Variants in CNTRL observed in about 807,000 individuals in gnomAD.
CNTRL encodes centriolin, also known as 110 kDa centrosomal protein.
Under a neutral mutation model 303.7 loss-of-function variants are expected in CNTRL, and 233 were observed. The ratio of observed to expected loss-of-function variants is 0.77; its 90% CI spans 0.69 to 0.86. The LOEUF is 0.86. CNTRL is among the 40% of genes least tolerant of loss of function. The pLI, the probability that CNTRL is intolerant of heterozygous loss-of-function variation, is 0.00. For synonymous variants in CNTRL, 900 were observed against 922.2 expected (o/e 0.98, Z 0.44); for missense variants, 2,524 against 2,650.6 (o/e 0.95, Z 1.05).
rs200658083 is a variant in CNTRL at position 121,150,446 on chromosome 9, G to T, written c.3926G>T (p.Gly1309Val). Reference sequence around the variant, plus strand: ...TTCTCCATCCCCTTCATCCCTATGGGTGTGCTGCATTGCAACGTCCCTGAA... The same window carrying T: ...TTCTCCATCCCCTTCATCCCTATGGTTGTGCTGCATTGCAACGTCCCTGAA... ...PNFSIPFIPM[G>V]VLHCNVPEHH... Residue 1309 changes from glycine (G) to valine (V), a missense_variant, in exon 25 of 44, where the codon GGT becomes GTT. Transcript: ENST00000373855. The T allele has an allele frequency of 5.6e-6, 9 of 1,614,160 alleles. No individual in the cohort carries two copies. Among genetic ancestry groups the T allele is most frequent in the Non-Finnish European group, 7.6e-6 (9 of 1,180,030 alleles).
chr9:121,103,284 A>C (rs2049276764), intron 7 of CNTRL, among the ~76,000 whole-genome samples: 1 of 152,248 alleles, frequency 6.6e-6, no homozygotes, highest in Non-Finnish European at 1.5e-5. Flanking sequence ...ACCTGACAAA[A>C]ACAAGCAATG....
At position 121,142,215 on chromosome 9, in the gene CNTRL, A is replaced by G. The variant is rs372474178; in HGVS notation, c.2816A>G (p.Glu939Gly). The change falls in exon 19 of 44, where the codon GAA becomes GGA. Residue 939 changes from glutamate (E) to glycine (G), a missense_variant. Physicochemically the swap from Glu to Gly is moderately conservative, Grantham distance 98. Transcript: ENST00000373855. ...IQGLTDLQLQ[E>G]ADEEKERILA... ...GGCCTTACAGATCTCCAACTTCAGG[A>G]AGCTGATGAAGAGAAGGAGAGAATT... is the stretch of plus-strand genomic sequence containing the variant. The G allele has an allele frequency of 2.2e-5, 35 of 1,611,940 alleles. No homozygotes were observed. Among genetic ancestry groups the G allele is most frequent in the Non-Finnish European group, 3.0e-5 (35 of 1,179,442 alleles).
intron 14 of CNTRL, among the ~76,000 whole-genome samples, chr9:121,128,219 C>G (rs942080680): frequency 6.6e-6 from 1 of 152,200 alleles, no homozygotes; most frequent in African/African-American, 2.4e-5. Flanking sequence ...GGAATCGCCA[C>G]ATTGTCTTCC....
In CNTRL at chr9:121,162,190, G is replaced by T. The variant is rs776393268; in HGVS notation, c.5342G>T (p.Cys1781Phe). The change falls in exon 34 of 44, where the codon TGT (cysteine) becomes TTT (phenylalanine). Residue 1781 changes from cysteine to phenylalanine, a missense_variant. Coordinates refer to ENST00000373855, the MANE Select transcript of CNTRL (RefSeq NM_007018.6). ...MTAESRALQS[C>F]VECLSKEKED... ...GCTGAGTCCCGAGCTTTACAATCGT[G>T]TGTTGAGTGTTTGAGCAAAGAAAAG... 6.2e-7 allele frequency: 1 copy of T among 1,614,156 alleles called. No individual in the cohort carries two copies. The highest frequency in any genetic ancestry group is 8.5e-7 in the Non-Finnish European group (1 of 1,180,034).
intron 40 of CNTRL, among the ~76,000 whole-genome samples, chr9:121,172,898 A>ATGT (rs2053370043): frequency 6.6e-6 from 1 of 152,212 alleles, no homozygotes; most frequent in South Asian, 2.1e-4. Flanking sequence ...GGAGGATCAG[A>ATGT]TGTTAGCCAA....
chr9:121,088,968 C>A (rs2048453077), intron 3 of CNTRL, among the ~76,000 whole-genome samples: 1 of 152,222 alleles, frequency 6.6e-6, no homozygotes, highest in African/African-American at 2.4e-5. Context: ...ACATATGGGA[C>A]ATGTATGTAT....
chr9:121,136,595 G>C (rs1453795191), intron 15 of CNTRL, among the ~76,000 whole-genome samples: 2 of 152,220 alleles, frequency 1.3e-5, no homozygotes. Flanking sequence ...ACAGGCATGG[G>C]CCACCGTGCC....
At chr9:121,166,431 A>G (rs2053093213) in intron 36 of CNTRL, among the ~76,000 whole-genome samples, 1 of 152,192 alleles carries the variant, frequency 6.6e-6, no homozygotes, top group Non-Finnish European at 1.5e-5. Flanking sequence ...TGGCTAGACC[A>G]GAGCCCAGCA....
chr9:121,135,953 G>C lies in CNTRL; in HGVS notation c.2173G>C (p.Glu725Gln). ...TGCTGAAGCCAACCAGCTCAAGGAAGAGTTGGAAAAAGTAACAAGACTTAC... is the reference window on the plus strand; with the variant it reads ...TGCTGAAGCCAACCAGCTCAAGGAACAGTTGGAAAAAGTAACAAGACTTAC... ...RDAEANQLKE[E>Q]LEKVTRLTQL... Residue 725 changes from glutamate to glutamine, a missense_variant, in exon 15 of 44, where the codon GAG becomes CAG. Physicochemically the swap from Glu to Gln is conservative, Grantham distance 29. Transcript: ENST00000373855. 6.2e-7 allele frequency: 1 copy of C among 1,611,720 alleles called. No individual in the cohort carries two copies. The highest frequency in any genetic ancestry group is 1.1e-5 in the South Asian group (1 of 90,854).
In CNTRL at chr9:121,154,843, G is replaced by A. The variant is rs780060202; in HGVS notation, c.4295G>A (p.Arg1432His). 17 of 1,613,974 alleles carry A rather than the reference G, an allele frequency of 1.1e-5. No individual in the cohort carries two copies. Among genetic ancestry groups the A allele is most frequent in the Middle Eastern group, 3.3e-4 (2 of 6,082 alleles). Residue 1432 changes from arginine to histidine, a missense_variant, in exon 27 of 44, where the codon CGC becomes CAC. Physicochemically the swap from Arg to His is conservative, Grantham distance 29. Transcript: ENST00000373855. ...ATTGAGAAGACTCTTCTGAAACGTC[G>A]CTCAGAGCTCAGGGAAGCTGACCGA... Reference protein sequence around the residue: ...ECIEKTLLKRRSELREADRLL... With the variant: ...ECIEKTLLKRHSELREADRLL...
intron 31 of CNTRL, 137 bp downstream of exon 31, chr9:121,159,156 T>G (rs1380921154): frequency 5.9e-6 from 5 of 845,596 alleles, no homozygotes; most frequent in Admixed American, 2.9e-5. Context: ...CAGTTTGGTG[T>G]TGTTACATAT....
rs2050079079 is a variant in CNTRL at position 121,118,429 on chromosome 9, G to T, written c.1539G>T (p.Leu513=). The T allele has an allele frequency of 6.2e-7, 1 of 1,612,864 alleles. No homozygotes were observed. Among genetic ancestry groups the T allele is most frequent in the South Asian group, 1.1e-5 (1 of 90,970 alleles). ...QLVNKLRQEA[L]DLELQMEKQK... ...TAAATAAATTACGCCAGGAAGCTCT[G>T]GATCTAGAACTGCAGATGGAAAAGC... The change falls in exon 12 of 44, where the codon CTG becomes CTT. Residue 513 remains leucine (L), a synonymous_variant. Transcript: ENST00000373855.
Position 121,094,108 on chromosome 9 carries a change from C to T in CNTRL, c.349-780C>T, listed in dbSNP as rs182782804. Among the ~76,000 whole-genome samples the T allele has an allele frequency of 5.1e-4, 74 of 146,490 alleles. 1 individual carries two copies. The Middle Eastern group carries it at 0.01, about 20-fold the overall frequency. On this transcript the variant is annotated intron_variant, in intron 4 of 43. Transcript: ENST00000373855. ...CTGGCCAACAGCGAGACTCGGTCCCCGCCCCCTCCCCACCCCCGCAAAAAA... is the reference window on the plus strand; with the variant it reads ...CTGGCCAACAGCGAGACTCGGTCCCTGCCCCCTCCCCACCCCCGCAAAAAA...
At chr9:121,075,176 G>T (rs996097840) in intron 1 of CNTRL, 109 bp downstream of exon 1, 6 of 342,630 alleles carry the variant, frequency 1.8e-5, no homozygotes, top group Non-Finnish European at 2.9e-5. Flanking sequence ...GCCGGCTTGG[G>T]ATGGATTCGG....
At chr9:121,169,837 C>T in intron 39 of CNTRL, 21 bp downstream of exon 39, 1 of 1,601,444 alleles carries the variant, frequency 6.2e-7, no homozygotes, top group Non-Finnish European at 8.5e-7. Context: ...GCTGCCGTGG[C>T]AGTTTGTGAG....
At chr9:121,130,597 A>AT (rs1433792924) in intron 14 of CNTRL, among the ~76,000 whole-genome samples, 1 of 151,872 alleles carries the variant, frequency 6.6e-6, no homozygotes, top group Admixed American at 6.6e-5. Context: ...GGATTCACTG[A>AT]TTCTTTTGAA....
chr9:121,160,495 A>C (rs1027390139), intron 32 of CNTRL, among the ~76,000 whole-genome samples, 193 bp downstream of exon 32: 3 of 152,246 alleles, frequency 2.0e-5, no homozygotes, highest in Admixed American at 6.5e-5. Context: ...TAAAAGCAAA[A>C]TAATCATGCT....
At chr9:121,109,678 AT>A (rs1195801349) in intron 8 of CNTRL, among the ~76,000 whole-genome samples, 6 of 152,142 alleles carry the variant, frequency 3.9e-5, no homozygotes, top group African/African-American at 1.2e-4. Flanking sequence ...TGCATTTAAA[AT>A]TTTGATAAGT....
chr9:121,112,619 C>A, intron 9 of CNTRL, 41 bp downstream of exon 9: 1 of 1,600,074 alleles, frequency 6.2e-7, no homozygotes, highest in Non-Finnish European at 8.5e-7. Flanking sequence ...AGTTAAAGCC[C>A]ACATGGGATG....
Sources: gnomAD v4.1 joint callset for allele counts (sites outside exome capture counted in the v4.1 genomes callset) on GRCh38, gnomAD v4.1.1 for gene constraint, MANE v1.5 for transcripts, NCBI Gene and HGNC (gene_info 2026-07-23, HGNC 2026-07-21) for gene names.